MARCHF1: variants seen among roughly 807,000 people sequenced by gnomAD.
MARCHF1 encodes E3 ubiquitin-protein ligase MARCHF1.
A neutral mutation model predicts 54.2 loss-of-function variants in MARCHF1; 40 were observed. That is an observed-to-expected ratio of 0.74 (90% CI 0.57 to 0.96). The LOEUF is 0.96. Among genes scored for constraint, MARCHF1 ranks in the 40% least tolerant of loss-of-function variants. The probability of loss-of-function intolerance (pLI) is 0.00; values close to 1 mark genes in which losing one functional copy is unlikely to be tolerated. For missense variants in MARCHF1, 586 were observed against 656.5 expected, an observed-to-expected ratio of 0.89 and a Z score of 1.17; for synonymous variants, 236 against 236.3, an observed-to-expected ratio of 1.00 and a Z score of 0.01.
chr4:164,343,932 C>T (rs1284206900), intron 1 of MARCHF1, among the ~76,000 whole-genome samples: 1 of 152,134 alleles, frequency 6.6e-6, no homozygotes, highest in East Asian at 1.9e-4. Flanking sequence ...CACATATCTT[C>T]ATCACAGCAT....
chr4:163,642,993 A>C (rs142457630), intron 5 of MARCHF1, among the ~76,000 whole-genome samples: 3,329 of 151,414 alleles, frequency 0.022, 112 homozygotes, highest in African/African-American at 0.075. Context: ...ATACACACAC[A>C]TATATATACA....
chr4:164,277,165 C>T (rs1579683379), intron 1 of MARCHF1, among the ~76,000 whole-genome samples: 2 of 91,166 alleles, frequency 2.2e-5, no homozygotes, highest in South Asian at 7.1e-4. Flanking sequence ...CCTCTGTGGA[C>T]CTCCTCTGAC....
At chr4:163,667,568 T>C (rs1168261448) in intron 5 of MARCHF1, among the ~76,000 whole-genome samples, 1 of 152,096 alleles carries the variant, frequency 6.6e-6, no homozygotes, top group Non-Finnish European at 1.5e-5. Flanking sequence ...AGGGGAGATC[T>C]CTGTCAGTTT....
intron 5 of MARCHF1, among the ~76,000 whole-genome samples, chr4:163,681,562 C>T (rs989630917): frequency 2.0e-5 from 3 of 152,122 alleles, no homozygotes; most frequent in Non-Finnish European, 4.4e-5. Context: ...TACCCCCATG[C>T]TGCTGTTCTC....
chr4:163,946,705 G>A (rs951108024), intron 3 of MARCHF1, among the ~76,000 whole-genome samples: 1 of 152,186 alleles, frequency 6.6e-6, no homozygotes, highest in Non-Finnish European at 1.5e-5. Context: ...TGAACAATGA[G>A]CTATTTTTCA....
chr4:164,056,528 A>G (rs1445303866), intron 2 of MARCHF1, among the ~76,000 whole-genome samples: 4 of 152,170 alleles, frequency 2.6e-5, no homozygotes, highest in Admixed American at 6.5e-5. Context: ...AATGTTTCAC[A>G]GGAACATTCA....
At chr4:163,601,250 T>C (rs904454373) in intron 7 of MARCHF1, among the ~76,000 whole-genome samples, 1 of 152,172 alleles carries the variant, frequency 6.6e-6, no homozygotes, top group Non-Finnish European at 1.5e-5. Flanking sequence ...TATATCCTTA[T>C]TTGGTAGCAA....
chr4:164,201,022 C>T (rs571415680), intron 1 of MARCHF1, among the ~76,000 whole-genome samples: 145 of 152,056 alleles, frequency 9.5e-4, no homozygotes, highest in African/African-American at 3.4e-3. Flanking sequence ...AAAATCAGGT[C>T]GACTTGCCTA....
intron 3 of MARCHF1, among the ~76,000 whole-genome samples, chr4:163,942,298 G>A (rs763344302): frequency 1.3e-5 from 2 of 152,150 alleles, no homozygotes; most frequent in Non-Finnish European, 2.9e-5. Flanking sequence ...CATGGATTTC[G>A]ACTCTCTCCT....
intron 1 of MARCHF1, among the ~76,000 whole-genome samples, chr4:164,316,295 T>C (rs1734995005): frequency 6.6e-6 from 1 of 152,106 alleles, no homozygotes; most frequent in Non-Finnish European, 1.5e-5. Context: ...AGGGATTTGA[T>C]AAAAATAAGC....
rs201184534 is a variant in MARCHF1, at chr4:163,719,491, A to ATG, written c.112-18630_112-18629dup. Among the ~76,000 whole-genome samples, 695 of 152,106 alleles carry ATG rather than the reference A, an allele frequency of 4.6e-3. 4 individuals carry two copies. Among genetic ancestry groups the ATG allele is most frequent in the African/African-American group, 0.016 (653 of 41,480 alleles). The stretch of plus-strand genomic sequence containing the variant: ...TTGTGAATACTGCCGCAATAAACAG[A>ATG]TGTGTGTGTGTGTCTTTATAGCAGC... On this transcript the variant is annotated intron_variant, in intron 4 of 9. Coordinates refer to ENST00000514618, the MANE Select transcript of MARCHF1 (RefSeq NM_001394959.1).
At chr4:164,192,160 GA>G (rs1409611635) in intron 1 of MARCHF1, among the ~76,000 whole-genome samples, 1 of 151,998 alleles carries the variant, frequency 6.6e-6, no homozygotes, top group Non-Finnish European at 1.5e-5. Flanking sequence ...TTTCTATAAA[GA>G]TTATCTTAAT....
chr4:163,613,863 T>C (rs935537377), intron 5 of MARCHF1, among the ~76,000 whole-genome samples: 1 of 152,134 alleles, frequency 6.6e-6, no homozygotes, highest in African/African-American at 2.4e-5. Context: ...TGAAAATACT[T>C]TGTAATATTT....
chr4:163,625,016 T>C (rs546389559), intron 5 of MARCHF1, among the ~76,000 whole-genome samples: 1 of 152,354 alleles, frequency 6.6e-6, no homozygotes, highest in South Asian at 2.1e-4. Flanking sequence ...AGTTTGGGAT[T>C]TTAGAGCCCT....
intron 4 of MARCHF1, among the ~76,000 whole-genome samples, chr4:163,795,318 C>T (rs1747882249): frequency 6.6e-6 from 1 of 152,132 alleles, no homozygotes; most frequent in South Asian, 2.1e-4. Flanking sequence ...CAACCTCTGC[C>T]TCCCGGGTTC....
intron 1 of MARCHF1, among the ~76,000 whole-genome samples, chr4:164,251,363 G>T (rs1733118758): frequency 6.6e-6 from 1 of 152,106 alleles, no homozygotes; most frequent in Admixed American, 6.6e-5. Context: ...AAGATACAGT[G>T]TAAGCCATGA....
intron 4 of MARCHF1, among the ~76,000 whole-genome samples, chr4:163,782,321 A>G (rs557955462): frequency 4.6e-5 from 7 of 152,276 alleles, no homozygotes; most frequent in Admixed American, 2.0e-4. Flanking sequence ...GCAGATTGAC[A>G]TTATCCAGCA....
chr4:163,708,155 G>A (rs1355417976), intron 4 of MARCHF1, among the ~76,000 whole-genome samples: 1 of 151,288 alleles, frequency 6.6e-6, no homozygotes, highest in Non-Finnish European at 1.5e-5. Context: ...CTCAGAAACA[G>A]GCTCATTGTA....
intron 5 of MARCHF1, among the ~76,000 whole-genome samples, chr4:163,669,926 G>A (rs1743673811): frequency 1.3e-5 from 2 of 151,974 alleles, no homozygotes; most frequent in Admixed American, 6.6e-5. Flanking sequence ...ATGGATCATT[G>A]CCCACTATTT....
Sources: allele counts gnomAD v4.1 joint callset (sites outside exome capture counted in the v4.1 genomes callset), GRCh38; gene constraint gnomAD v4.1.1; transcripts MANE v1.5; gene names NCBI Gene and HGNC (gene_info 2026-07-23, HGNC 2026-07-21).